CPM: variants seen among roughly 807,000 people sequenced by gnomAD.
CPM encodes carboxypeptidase M, also known as renal carboxypeptidase.
A neutral mutation model predicts 46.4 loss-of-function variants in CPM; 35 were observed. That is an observed-to-expected ratio of 0.75 (90% CI 0.58 to 1.00). The LOEUF is 1.00. CPM is among the 50% of genes least tolerant of loss of function. The probability of loss-of-function intolerance (pLI) is 0.00; values close to 1 mark genes in which losing one functional copy is unlikely to be tolerated. For synonymous variants in CPM, 195 were observed against 195.3 expected (o/e 1.00, Z 0.01); for missense variants, 422 against 530.4 (o/e 0.80, Z 2.01).
At chr12:68,874,174 C>G (rs1453512665) in intron 3 of CPM, among the ~76,000 whole-genome samples, 1 of 152,132 alleles carries the variant, frequency 6.6e-6, no homozygotes, top group Non-Finnish European at 1.5e-5. Flanking sequence ...AAAAAAGTCA[C>G]TTGTACACCC....
At chr12:68,920,325 T>C (rs1472901541) in intron 2 of CPM, among the ~76,000 whole-genome samples, 2 of 152,194 alleles carry the variant, frequency 1.3e-5, no homozygotes, top group Non-Finnish European at 2.9e-5. Context: ...ATGGGAAAAC[T>C]GCTGTAGAAT....
chr12:68,870,878 C>T (rs960742650), intron 4 of CPM, among the ~76,000 whole-genome samples: 3 of 152,142 alleles, frequency 2.0e-5, no homozygotes, highest in Non-Finnish European at 4.4e-5. Flanking sequence ...CTTTAAGTCG[C>T]TAATTTTGGG....
upstream of CPM, among the ~76,000 whole-genome samples, chr12:68,937,902 T>G (rs1888697694): frequency 6.6e-6 from 1 of 152,192 alleles, no homozygotes. Context: ...AGAGGACCAA[T>G]GACTAATTCT....
chr12:68,938,148 G>A (rs1347056206), upstream of CPM, among the ~76,000 whole-genome samples: 1 of 152,180 alleles, frequency 6.6e-6, no homozygotes, highest in Non-Finnish European at 1.5e-5. Context: ...ACTAGACTTT[G>A]TGACTTTCAA....
intron 7 of CPM, among the ~76,000 whole-genome samples, chr12:68,865,174 G>A (rs557955089): frequency 6.6e-5 from 10 of 152,286 alleles, no homozygotes; most frequent in African/African-American, 2.4e-4. Context: ...GAGAACCCAA[G>A]ACAACGTTTG....
upstream of CPM, among the ~76,000 whole-genome samples, chr12:68,937,297 G>C (rs1888687893): frequency 1.3e-5 from 2 of 152,236 alleles, no homozygotes; most frequent in Admixed American, 6.5e-5. Context: ...ACAGCAGATT[G>C]GTTAGATCAG....
At chr12:68,931,763 A>AAAAAGAAAGAAAG (rs1482981614) in intron 2 of CPM, among the ~76,000 whole-genome samples, 2 of 132,540 alleles carry the variant, frequency 1.5e-5, no homozygotes, top group African/African-American at 6.1e-5. Flanking sequence ...AAAAAAAAAA[A>AAAAAGAAAGAAAG]AAAGAAAGAA....
chr12:68,876,915 TGTGTGAGAGA>T (rs766541037), intron 3 of CPM, among the ~76,000 whole-genome samples: 100 of 146,524 alleles, frequency 6.8e-4, no homozygotes, highest in African/African-American at 2.2e-3. Flanking sequence ...TGTGTGTGTG[TGTGTGAGAGA>T]GAGAGAGAGA....
chr12:68,847,505 T>G (rs1408428871), downstream of CPM: 1 of 130,088 alleles, frequency 7.7e-6, no homozygotes, highest in Non-Finnish European at 1.6e-5. Context: ...CCAGGCCGGA[T>G]TGCAGTGGCG....
intron 1 of CPM, among the ~76,000 whole-genome samples, chr12:68,957,011 G>T (rs1225059780): frequency 6.6e-6 from 1 of 152,000 alleles, no homozygotes; most frequent in Non-Finnish European, 1.5e-5. Flanking sequence ...CACCCTCCTC[G>T]GCCTTTATCC....
chr12:68,854,004 G>A lies in CPM; in HGVS notation c.*2433C>T, dbSNP rs1237326350. On this transcript the variant is annotated 3_prime_UTR_variant, in exon 9 of 9. Transcript: ENST00000551568. ...TTGAGAAGCATTAGTACTTCAAATTGAGTCCTAATGGTAAAATTTTTTTCT... is the reference window on the plus strand; with the variant it reads ...TTGAGAAGCATTAGTACTTCAAATTAAGTCCTAATGGTAAAATTTTTTTCT... 1 of 151,838 alleles carries A rather than the reference G, an allele frequency of 6.6e-6. No individual in the cohort carries two copies. Among genetic ancestry groups the A allele is most frequent in the Admixed American group, 6.6e-5 (1 of 15,238 alleles). The allele number at this position is 151,838 out of a possible 1,614,324, so 9.4% of individuals were successfully genotyped here. A position where few individuals can be genotyped will look rare whatever the true frequency, so the allele number is the denominator to read the frequency against.
intron 2 of CPM, among the ~76,000 whole-genome samples, chr12:68,927,763 T>A (rs548382443): frequency 6.6e-6 from 1 of 152,256 alleles, no homozygotes; most frequent in South Asian, 2.1e-4. Flanking sequence ...TGAACTCCCA[T>A]TCACAATTGC....
At chr12:68,857,453 C>T (rs1348915782) in intron 8 of CPM, among the ~76,000 whole-genome samples, 1 of 152,072 alleles carries the variant, frequency 6.6e-6, no homozygotes, top group African/African-American at 2.4e-5. Flanking sequence ...CATGAGCCAC[C>T]ACATCCACCC....
chr12:68,885,792 CT>C lies in CPM; in HGVS notation c.257del (p.Glu86GlyfsTer11). 6.2e-7 allele frequency: 1 copy of C among 1,612,862 alleles called. No homozygotes were observed. Among genetic ancestry groups the C allele is most frequent in the Non-Finnish European group, 8.5e-7 (1 of 1,178,920 alleles). ...FKYVANMHGD[E>X]TVGRELLLHL... is the part of the protein sequence containing the mutation. Reference sequence around the variant, plus strand: ...TCAGAAATTCAAGCCACATACGTACCTCATCTCCATGCATATTTGCCACGTA... The same window carrying C: ...TCAGAAATTCAAGCCACATACGTACCCATCTCCATGCATATTTGCCACGTA... On this transcript the variant is annotated frameshift_variant and splice_region_variant, in exon 3 of 9. Coordinates refer to ENST00000551568, the MANE Select transcript of CPM (RefSeq NM_198320.5). LOFTEE classifies it high-confidence loss of function.
chr12:68,900,891 T>C (rs2136277818), intron 2 of CPM, among the ~76,000 whole-genome samples: 1 of 152,220 alleles, frequency 6.6e-6, no homozygotes, highest in Middle Eastern at 3.4e-3. Flanking sequence ...GATGAAAAGA[T>C]GGCACATAGG....
chr12:68,939,005 G>T (rs1323757283), intron 1 of CPM, among the ~76,000 whole-genome samples: 2 of 146,666 alleles, frequency 1.4e-5, no homozygotes, highest in South Asian at 4.2e-4. Flanking sequence ...AAATATATCT[G>T]TAAGTATATA....
intron 3 of CPM, 92 bp from the exon 4 acceptor site, chr12:68,872,048 T>G: frequency 1.6e-6 from 2 of 1,276,644 alleles, no homozygotes; most frequent in Non-Finnish European, 2.2e-6. Flanking sequence ...TAGGGGTCTC[T>G]ACACATGATA....
intron 3 of CPM, among the ~76,000 whole-genome samples, chr12:68,878,899 C>A (rs1886072318): frequency 1.3e-5 from 2 of 152,264 alleles, no homozygotes; most frequent in South Asian, 2.1e-4. Flanking sequence ...AGCAGAATTG[C>A]AATTTAGGCT....
chr12:68,859,129 A>C, intron 7 of CPM, 58 bp from the exon 8 acceptor site: 1 of 944,314 alleles, frequency 1.1e-6, no homozygotes, highest in Non-Finnish European at 1.4e-6. Flanking sequence ...TATAAAAATT[A>C]TTATAAATAT....
Sources: allele counts gnomAD v4.1 joint callset (sites outside exome capture counted in the v4.1 genomes callset), GRCh38; gene constraint gnomAD v4.1.1; transcripts MANE v1.5; gene names NCBI Gene and HGNC (gene_info 2026-07-23, HGNC 2026-07-21).